Variants in GOLM2 observed in about 807,000 individuals in gnomAD.
The protein encoded by GOLM2 is protein GOLM2.
In GOLM2, 26 loss-of-function variants were observed where a neutral mutation model predicts 55.9. That is an observed-to-expected ratio of 0.47 (90% CI 0.34 to 0.65). The LOEUF is 0.65. GOLM2 is among the 30% of genes least tolerant of loss of function. GOLM2 has a pLI of 0.01. For missense variants in GOLM2, 486 were observed against 531.8 expected (o/e 0.91, Z 0.85); for synonymous variants, 165 against 194.6 (o/e 0.85, Z 1.27).
chr15:44,402,441 C>G (rs995702322), intron 8 of GOLM2, among the ~76,000 whole-genome samples: 2 of 151,906 alleles, frequency 1.3e-5, no homozygotes, highest in African/African-American at 4.8e-5. Context: ...ATCCACCTAC[C>G]TCAGCCTCCC....
At chr15:44,333,663 A>C (rs1015685845) in intron 4 of GOLM2, among the ~76,000 whole-genome samples, 2 of 152,160 alleles carry the variant, frequency 1.3e-5, no homozygotes, top group Non-Finnish European at 2.9e-5. Context: ...TTGCTGTTGC[A>C]ATTGTGTCAT....
rs188386499 is a variant in GOLM2 at position 44,369,103 on chromosome 15, A to G, written c.803-10587A>G. On this transcript the variant is annotated intron_variant, in intron 6 of 9. Transcript: ENST00000299957. Reference sequence around the variant, plus strand: ...TATATATATATATATATATATATATATATATATATATATACCCGGCTACCA... The same window carrying G: ...TATATATATATATATATATATATATGTATATATATATATACCCGGCTACCA... Among the ~76,000 whole-genome samples, 632 of 100,294 alleles carry G rather than the reference A, an allele frequency of 6.3e-3. 38 individuals are homozygous for G. The highest frequency in any genetic ancestry group is 0.021 in the African/African-American group (601 of 28,136). The allele number at this position is 100,294 out of a possible 152,430, so 65.8% of individuals were successfully genotyped here.
intron 1 of GOLM2, among the ~76,000 whole-genome samples, chr15:44,306,513 C>A (rs1277545143): frequency 6.6e-6 from 1 of 152,148 alleles, no homozygotes; most frequent in Non-Finnish European, 1.5e-5. Context: ...GTTTTGCCTT[C>A]TCGTTATTCA....
At chr15:44,315,995 T>A (rs1034873412) in intron 1 of GOLM2, among the ~76,000 whole-genome samples, 4 of 152,200 alleles carry the variant, frequency 2.6e-5, no homozygotes, top group Admixed American at 2.0e-4. Flanking sequence ...AAACATTTAT[T>A]CAGTGTTTAT....
intron 1 of GOLM2, chr15:44,307,212 CT>C (rs199591388): frequency 0.057 from 7,678 of 135,868 alleles, 233 homozygotes; most frequent in Middle Eastern, 0.21. Context: ...GATACTAATT[CT>C]TTTTTTTTTT....
At chr15:44,367,093 A>G (rs536274572) in intron 6 of GOLM2, among the ~76,000 whole-genome samples, 12 of 152,296 alleles carry the variant, frequency 7.9e-5, no homozygotes, top group African/African-American at 2.9e-4. Flanking sequence ...GTTTTAATAA[A>G]TAAAATTTTA....
chr15:44,384,619 C>T (rs1292277099), intron 8 of GOLM2, among the ~76,000 whole-genome samples: 3 of 151,462 alleles, frequency 2.0e-5, no homozygotes, highest in East Asian at 1.9e-4. Flanking sequence ...TGGTGGCGGG[C>T]GCCTGTAGTC....
In GOLM2 at chr15:44,407,423, G is replaced by A. The variant is rs115899152; in HGVS notation, c.1240+4369G>A. ...TGGGACTACAGGCATGCACCACCAC[G>A]GCTGGCTAGTTTTTTGTATTTTTTG... is the stretch of plus-strand genomic sequence containing the variant. On this transcript the variant is annotated intron_variant, in intron 9 of 9. Transcript: ENST00000299957. Among the ~76,000 whole-genome samples the A allele has an allele frequency of 5.0e-3, 756 of 151,248 alleles. 10 individuals carry two copies. The highest frequency in any genetic ancestry group is 0.017 in the African/African-American group (722 of 41,282).
At chr15:44,368,600 G>A (rs1175202061) in intron 6 of GOLM2, among the ~76,000 whole-genome samples, 1 of 151,562 alleles carries the variant, frequency 6.6e-6, no homozygotes, top group Non-Finnish European at 1.5e-5. Flanking sequence ...TTTAGATGTC[G>A]TACTTTCAAT....
intron 1 of GOLM2, among the ~76,000 whole-genome samples, chr15:44,317,677 G>C (rs900364479): frequency 1.3e-5 from 2 of 151,936 alleles, no homozygotes; most frequent in Non-Finnish European, 2.9e-5. Flanking sequence ...TCTGGTCGTC[G>C]CCCGAGCTCC....
At chr15:44,369,840 T>C (rs2079318361) in intron 6 of GOLM2, among the ~76,000 whole-genome samples, 1 of 151,780 alleles carries the variant, frequency 6.6e-6, no homozygotes, top group Non-Finnish European at 1.5e-5. Flanking sequence ...CCTAGAAGGA[T>C]AAAAAAAGAT....
chr15:44,363,835 C>T lies in GOLM2; in HGVS notation c.803-15855C>T, dbSNP rs1309477778. ...TAGACTGGATTAAGAAAATGTGGCA[C>T]ATATACACCATGGAATACTATGCAG... On this transcript the variant is annotated intron_variant, in intron 6 of 9. Transcript: ENST00000299957. Among the ~76,000 whole-genome samples the T allele has an allele frequency of 4.6e-5, 7 of 151,990 alleles. No individual in the cohort carries two copies. The East Asian group carries it at 1.4e-3, about 29-fold the overall frequency.
chr15:44,336,003 CG>C (rs549892886), intron 4 of GOLM2, among the ~76,000 whole-genome samples: 64 of 151,634 alleles, frequency 4.2e-4, no homozygotes, highest in African/African-American at 1.5e-3. Context: ...TTAGTAGAGA[CG>C]GGGTTTCGCC....
At chr15:44,410,087 T>TA (rs1168748373) in intron 9 of GOLM2, among the ~76,000 whole-genome samples, 2 of 152,116 alleles carry the variant, frequency 1.3e-5, no homozygotes, top group African/African-American at 4.8e-5. Context: ...TGAGGTTCTA[T>TA]AATGTGGATC....
intron 6 of GOLM2, among the ~76,000 whole-genome samples, chr15:44,348,095 G>C (rs2079137243): frequency 1.3e-5 from 2 of 152,160 alleles, no homozygotes; most frequent in Non-Finnish European, 2.9e-5. Context: ...GTGAGACTCT[G>C]AGACATGCTG....
intron 1 of GOLM2, among the ~76,000 whole-genome samples, chr15:44,302,076 T>C (rs570584543): frequency 7.4e-4 from 113 of 152,264 alleles, no homozygotes; most frequent in African/African-American, 2.6e-3. Flanking sequence ...TGGATTCAGA[T>C]TGTGAAAAGA....
chr15:44,370,032 CGA>C (rs1374134635), intron 6 of GOLM2, among the ~76,000 whole-genome samples: 3 of 152,088 alleles, frequency 2.0e-5, no homozygotes, highest in Non-Finnish European at 4.4e-5. Context: ...GCATCCAGCA[CGA>C]GAGAAAGATG....
At chr15:44,320,347 G>T (rs2078940600) in intron 1 of GOLM2, among the ~76,000 whole-genome samples, 2 of 152,014 alleles carry the variant, frequency 1.3e-5, no homozygotes, top group South Asian at 4.2e-4. Context: ...CTCCCAGGCT[G>T]GAGTACACTG....
intron 8 of GOLM2, among the ~76,000 whole-genome samples, chr15:44,388,234 A>G (rs1334715142): frequency 2.1e-5 from 3 of 143,232 alleles, no homozygotes; most frequent in African/African-American, 5.3e-5. Context: ...AGATTGCGCC[A>G]CTGTACTCCA....
Sources: gnomAD v4.1 joint callset for allele counts (sites outside exome capture counted in the v4.1 genomes callset) on GRCh38, gnomAD v4.1.1 for gene constraint, MANE v1.5 for transcripts, NCBI Gene and HGNC (gene_info 2026-07-23, HGNC 2026-07-21) for gene names.